TRMU: variants seen among roughly 807,000 people sequenced by gnomAD.
TRMU encodes the protein mitochondrial tRNA-specific 2-thiouridylase 1.
A neutral mutation model predicts 46.9 loss-of-function variants in TRMU; 49 were observed. The ratio of observed to expected loss-of-function variants is 1.05; its 90% CI spans 0.83 to 1.33. The LOEUF (loss-of-function observed/expected upper bound fraction) is 1.33. TRMU is among the 40% of genes most tolerant of loss of function. The pLI, the probability that TRMU is intolerant of heterozygous loss-of-function variation, is 0.00. For missense variants in TRMU, 572 were observed against 532.4 expected (o/e 1.07, Z -0.73); for synonymous variants, 241 against 200.9 (o/e 1.20, Z -1.69).
rs547900788 is a variant in TRMU at position 46,351,931 on chromosome 22, C to G, written c.652-190C>G. The G allele has an allele frequency of 1.1e-5, 8 of 742,668 alleles. No individual in the cohort carries two copies. Among genetic ancestry groups the G allele is most frequent in the Admixed American group, 1.8e-5 (1 of 55,878 alleles). 46.0% of individuals were successfully genotyped at this position (742,668 alleles called of 1,614,324 possible). Reference sequence around the variant, plus strand: ...GCGGGCCGAGACAATGAGGCGTTCTCTAAGGCTCTGGCATCGTGTGCGCCG... The same window carrying G: ...GCGGGCCGAGACAATGAGGCGTTCTGTAAGGCTCTGGCATCGTGTGCGCCG... On this transcript the variant is annotated intron_variant, in intron 5 of 10. Transcript: ENST00000645190. The surrounding 1 kb of genome is among the most constrained non-coding windows in gnomAD (Gnocchi z 6.4).
Position 46,356,947 on chromosome 22 carries a change from G to T in TRMU, c.1207G>T (p.Ala403Ser). ...GAAGGGCCAGCGCAGAGCTGGGATG[G>T]CCACTGAGAGCCCCAGTGACAGCCC... ...LQKGQRRAGM[A>S]TESPSDSPED... Residue 403 changes from alanine (A) to serine (S), a missense_variant, in exon 11 of 11, where the codon GCC becomes TCC. Physicochemically the swap from Ala to Ser is moderately conservative, Grantham distance 99 (BLOSUM62 1). Coordinates refer to ENST00000645190, the MANE Select transcript of TRMU (RefSeq NM_018006.5). 2.5e-6 allele frequency: 4 copies of T among 1,613,510 alleles called. No individual in the cohort carries two copies. Among genetic ancestry groups the T allele is most frequent in the Non-Finnish European group, 3.4e-6 (4 of 1,180,028 alleles).
At position 46,352,140 on chromosome 22, in the gene TRMU, T is replaced by G. The variant is rs926748713; in HGVS notation, c.671T>G (p.Ile224Ser). 32 of 1,613,712 alleles carry G rather than the reference T, an allele frequency of 2.0e-5. No homozygotes were observed. The highest frequency in any genetic ancestry group is 2.4e-5 in the Non-Finnish European group (28 of 1,180,046). ...TTTCAGAGCATGGGCATGTGTTTCA[T>G]CGGGAAGAGGAATTTTGAACATTTC... is the stretch of plus-strand genomic sequence containing the variant. ...QKKESMGMCFIGKRNFEHFLL... is the reference protein window; with the variant it reads ...QKKESMGMCFSGKRNFEHFLL... The change falls in exon 6 of 11, where the codon ATC becomes AGC. Residue 224 changes from isoleucine to serine, a missense_variant. Transcript: ENST00000645190.
At chr22:46,343,230 C>T (rs757074984) in intron 2 of TRMU, 32 bp from the exon 3 acceptor site, 7 of 1,404,398 alleles carry the variant, frequency 5.0e-6, no homozygotes, top group Middle Eastern at 1.8e-4. Flanking sequence ...ATGTTTCACA[C>T]TTGGAACTGA....
Position 46,350,601 on chromosome 22 carries a change from G to A in TRMU, c.651+138G>A, listed in dbSNP as rs2078390666. ...ATCAAAGGCGGGCCTTGGAGCAATA[G>A]ATGGAGGAGTTTGCTGAGGCGCACG... is the stretch of plus-strand genomic sequence containing the variant. On this transcript the variant is annotated intron_variant, in intron 5 of 10. Coordinates refer to ENST00000645190, the MANE Select transcript of TRMU (RefSeq NM_018006.5). The surrounding 1 kb of genome is among the most constrained non-coding windows in gnomAD (Gnocchi z 4.6). 5.4e-6 allele frequency: 6 copies of A among 1,103,208 alleles called. No individual in the cohort carries two copies. Among genetic ancestry groups the A allele is most frequent in the Non-Finnish European group, 8.1e-6 (6 of 742,186 alleles). 68.3% of individuals were successfully genotyped at this position (1,103,208 alleles called of 1,614,324 possible).
chr22:46,355,797 C>T (rs549335110), intron 9 of TRMU, 193 bp from the exon 10 acceptor site: 272 of 1,036,214 alleles, frequency 2.6e-4, no homozygotes, highest in Non-Finnish European at 3.5e-4. Context: ...CAGGCCCCGG[C>T]GTGTTGGGCT....
At position 46,351,892 on chromosome 22, in the gene TRMU, C is replaced by T. The variant is rs1601975727; in HGVS notation, c.652-229C>T. ...GCAGCTGGTGTGAGGGTCTCCCGCG[C>T]AGGGTCAGACCCCGCGGGCCGAGAC... On this transcript the variant is annotated intron_variant, in intron 5 of 10. Transcript: ENST00000645190. The surrounding 1 kb of genome is among the most constrained non-coding windows in gnomAD (Gnocchi z 6.4). 1.5e-6 allele frequency: 1 copy of T among 645,360 alleles called. No individual in the cohort carries two copies. The highest frequency in any genetic ancestry group is 2.7e-5 in the East Asian group (1 of 37,654). The allele number at this position is 645,360 out of a possible 1,614,324, so 40.0% of individuals were successfully genotyped here.
rs374420024 is a variant in TRMU at position 46,352,860 on chromosome 22, T to C, written c.772+530T>C. 1.2e-5 allele frequency: 3 copies of C among 255,164 alleles called. No homozygotes were observed. In the South Asian group the frequency reaches 1.5e-4, roughly 13 times the overall value. 15.8% of individuals were successfully genotyped at this position (255,164 alleles called of 1,614,324 possible). ...GGGACAGGCTCCGAGTCAGTCACAG[T>C]GTGCAGTCCTGCTGTGGGGACAGAG... On this transcript the variant is annotated intron_variant, in intron 7 of 10. Coordinates refer to ENST00000645190, the MANE Select transcript of TRMU (RefSeq NM_018006.5).
intron 7 of TRMU, chr22:46,352,568 T>C: frequency 1.7e-6 from 1 of 602,196 alleles, no homozygotes; most frequent in Non-Finnish European, 3.0e-6. Flanking sequence ...AAAGCGCGCC[T>C]CTGACTTGGA....
Position 46,336,084 on chromosome 22 carries a change from C to T in TRMU, c.82+238C>T. Reference sequence around the variant, plus strand: ...CCTGGGAGCAGTTCCGCGCCCCTCTCCACCCACGCGCGCCCACCCACAGTG... The same window carrying T: ...CCTGGGAGCAGTTCCGCGCCCCTCTTCACCCACGCGCGCCCACCCACAGTG... On this transcript the variant is annotated intron_variant, in intron 1 of 10. Transcript: ENST00000645190. This position sits in a 1 kb window ranked among gnomAD's most constrained non-coding sequence, Gnocchi z 4.1. 1 of 1,373,178 alleles carries T rather than the reference C, an allele frequency of 7.3e-7. No individual in the cohort carries two copies. The highest frequency in any genetic ancestry group is 9.4e-7 in the Non-Finnish European group (1 of 1,066,692). The allele number at this position is 1,373,178 out of a possible 1,614,324, so 85.1% of individuals were successfully genotyped here.
Position 46,355,456 on chromosome 22 carries a change from G to A in TRMU, c.886G>A (p.Asp296Asn), listed in dbSNP as rs2078571567. 1 of 1,612,718 alleles carries A rather than the reference G, an allele frequency of 6.2e-7. No individual in the cohort carries two copies. The highest frequency in any genetic ancestry group is 1.3e-5 in the African/African-American group (1 of 74,940). Residue 296 changes from aspartate (D) to asparagine (N), a missense_variant, in exon 9 of 11, where the codon GAC becomes AAC. By Grantham distance (23) the Asp-to-Asn change is conservative. Coordinates refer to ENST00000645190, the MANE Select transcript of TRMU (RefSeq NM_018006.5). ...TTCCATTCTGCAGGCCCCCCGGACA[G>A]ACCACCCAGCCCTGTACAGGGACCT... is the stretch of plus-strand genomic sequence containing the variant. ...KGDVFVAPRT[D>N]HPALYRDLLR...
rs1256010929 is a variant in TRMU at position 46,348,351 on chromosome 22, T to C, written c.478+1807T>C. ...TGCGTTCTGTTGAGTGCGTTTGGCATGTGGGAATTGTGATGGTGCACAGTG... is the reference window on the plus strand; with the variant it reads ...TGCGTTCTGTTGAGTGCGTTTGGCACGTGGGAATTGTGATGGTGCACAGTG... On this transcript the variant is annotated intron_variant, in intron 4 of 10. Transcript: ENST00000645190. The surrounding 1 kb of genome is among the most constrained non-coding windows in gnomAD (Gnocchi z 4.8). Among the ~76,000 whole-genome samples the C allele has an allele frequency of 6.6e-6, 1 of 152,210 alleles. No individual in the cohort carries two copies. Among genetic ancestry groups the C allele is most frequent in the Non-Finnish European group, 1.5e-5 (1 of 68,038 alleles).
chr22:46,346,484 G>T lies in TRMU; in HGVS notation c.418G>T (p.Glu140Ter). The T allele has an allele frequency of 1.2e-6, 2 of 1,613,640 alleles. No individual in the cohort carries two copies. Among genetic ancestry groups the T allele is most frequent in the South Asian group, 2.2e-5 (2 of 90,988 alleles). Residue 140 changes from glutamate (E) to a stop codon, truncating the protein, a stop_gained, in exon 4 of 11, where the codon GAG (glutamate) becomes TAG (stop). Coordinates refer to ENST00000645190, the MANE Select transcript of TRMU (RefSeq NM_018006.5). LOFTEE classifies it high-confidence loss of function. Reference sequence around the variant, plus strand: ...TTCCCTGGAAGATGAAGAAGTCTTTGAGCAGAAGCACGTTAAGAAGCCCGA... The same window carrying T: ...TTCCCTGGAAGATGAAGAAGTCTTTTAGCAGAAGCACGTTAAGAAGCCCGA... ...RTSLEDEEVF[E>*]QKHVKKPEGL... is the part of the protein sequence containing the mutation.
At chr22:46,356,702 G>T in intron 10 of TRMU, 140 bp from the exon 11 acceptor site, 1 of 1,013,652 alleles carries the variant, frequency 9.9e-7, no homozygotes, top group Non-Finnish European at 1.5e-6. Flanking sequence ...AGCAGCAGCA[G>T]CAGCAAAACC....
At position 46,353,808 on chromosome 22, in the gene TRMU, G is replaced by A. The variant is rs1230867178; in HGVS notation, c.814G>A (p.Gly272Ser). The part of the protein sequence containing the change: ...YTLGQRANIG[G>S]LREPWYVVEK... ...CTTGGGCCAGAGAGCAAACATAGGTGGCCTGAGAGAGCCCTGGTACGTGGT... is the reference window on the plus strand; with the variant it reads ...CTTGGGCCAGAGAGCAAACATAGGTAGCCTGAGAGAGCCCTGGTACGTGGT... The change falls in exon 8 of 11, where the codon GGC (glycine) becomes AGC (serine). Residue 272 changes from glycine (G) to serine (S), a missense_variant. Transcript: ENST00000645190. 10 of 1,613,908 alleles carry A rather than the reference G, an allele frequency of 6.2e-6. No individual in the cohort carries two copies. The highest frequency in any genetic ancestry group is 8.5e-6 in the Non-Finnish European group (10 of 1,179,912).
rs1415602389 is a variant in TRMU, at chr22:46,347,212, G to A, written c.478+668G>A. Among the ~76,000 whole-genome samples, 2 of 152,080 alleles carry A rather than the reference G, an allele frequency of 1.3e-5. No homozygotes were observed. Among genetic ancestry groups the A allele is most frequent in the African/African-American group, 4.8e-5 (2 of 41,378 alleles). On this transcript the variant is annotated intron_variant, in intron 4 of 10. Coordinates refer to ENST00000645190, the MANE Select transcript of TRMU (RefSeq NM_018006.5). The surrounding 1 kb of genome is among the most constrained non-coding windows in gnomAD (Gnocchi z 5.0). ...CCGCACGGAGCGTCCGTCCATCAGT[G>A]GGGACCCCTGAAGGGCAGCCTTGCT...
In TRMU at chr22:46,336,023, T is replaced by C. The variant is rs1420073193; in HGVS notation, c.82+177T>C. On this transcript the variant is annotated intron_variant, in intron 1 of 10. Transcript: ENST00000645190. This position sits in a 1 kb window ranked among gnomAD's most constrained non-coding sequence, Gnocchi z 4.1. Reference sequence around the variant, plus strand: ...TCGGAGGCTCCTCGCCCTCCACCTGTGTAGTCGGAGGTGTGCGCGACTGCA... The same window carrying C: ...TCGGAGGCTCCTCGCCCTCCACCTGCGTAGTCGGAGGTGTGCGCGACTGCA... The C allele has an allele frequency of 7.0e-7, 1 of 1,435,640 alleles. No homozygotes were observed. The highest frequency in any genetic ancestry group is 9.1e-7 in the Non-Finnish European group (1 of 1,096,454). 88.9% of individuals were successfully genotyped at this position (1,435,640 alleles called of 1,614,324 possible). A position where few individuals can be genotyped will look rare whatever the true frequency, so the allele number is the denominator to read the frequency against.
chr22:46,353,413 AGCTATGTCATGG>A, intron 7 of TRMU: 1 of 345,246 alleles, frequency 2.9e-6, no homozygotes, highest in Non-Finnish European at 5.7e-6. Flanking sequence ...GAAGACGTGC[AGCTATGTCATGG>A]GCTCAGCAAG....
chr22:46,355,097 C>G (rs375789749), intron 8 of TRMU: 1 of 401,514 alleles, frequency 2.5e-6, no homozygotes, highest in Non-Finnish European at 4.6e-6. Flanking sequence ...AACCAGTCCT[C>G]GAGGGGGGCC....
Position 46,336,008 on chromosome 22 carries a change from C to T in TRMU, c.82+162C>T. Reference sequence around the variant, plus strand: ...TCCTCTGACTTTGGTTCGGAGGCTCCTCGCCCTCCACCTGTGTAGTCGGAG... The same window carrying T: ...TCCTCTGACTTTGGTTCGGAGGCTCTTCGCCCTCCACCTGTGTAGTCGGAG... On this transcript the variant is annotated intron_variant, in intron 1 of 10. Coordinates refer to ENST00000645190, the MANE Select transcript of TRMU (RefSeq NM_018006.5). The surrounding 1 kb of genome is among the most constrained non-coding windows in gnomAD (Gnocchi z 4.1). The T allele has an allele frequency of 6.9e-7, 1 of 1,450,116 alleles. No homozygotes were observed. The highest frequency in any genetic ancestry group is 9.1e-7 in the Non-Finnish European group (1 of 1,102,472). 89.8% of individuals were successfully genotyped at this position (1,450,116 alleles called of 1,614,324 possible).
Sources: allele counts gnomAD v4.1 joint callset (sites outside exome capture counted in the v4.1 genomes callset), GRCh38; gene constraint gnomAD v4.1.1; non-coding constraint Gnocchi (gnomAD v3.1); transcripts MANE v1.5; gene names NCBI Gene and HGNC (gene_info 2026-07-23, HGNC 2026-07-21).